LIN9: variants seen among roughly 807,000 people sequenced by gnomAD.
The protein encoded by LIN9 is protein lin-9 homolog.
A neutral mutation model predicts 78.0 loss-of-function variants in LIN9; 18 were observed. The observed-to-expected ratio is 0.23, with a 90% confidence interval of 0.16 to 0.34. LIN9 has a LOEUF of 0.34. LIN9 is among the 10% of genes least tolerant of loss of function. The pLI is 1.00. For synonymous variants in LIN9, 192 were observed against 215.2 expected, an observed-to-expected ratio of 0.89 and a Z score of 0.94; for missense variants, 451 against 644.1, an observed-to-expected ratio of 0.70 and a Z score of 3.25.
chr1:226,308,714 G>C (rs1312600171), intron 1 of LIN9: 1 of 155,390 alleles, frequency 6.4e-6, no homozygotes, highest in South Asian at 2.1e-4. Context: ...GGACAGGCGA[G>C]TTACATAACC....
At chr1:226,306,606 T>C (rs1476833514) in intron 1 of LIN9, among the ~76,000 whole-genome samples, 2 of 152,174 alleles carry the variant, frequency 1.3e-5, no homozygotes, top group Non-Finnish European at 2.9e-5. Context: ...TTACATCAAC[T>C]GAAATGAAGA....
chr1:226,239,172 T>C, intron 11 of LIN9, 76 bp from the exon 12 acceptor site: 1 of 1,483,666 alleles, frequency 6.7e-7, no homozygotes, highest in Admixed American at 2.0e-5. Flanking sequence ...TAAAAGGAGA[T>C]TTGACTTATC....
intron 4 of LIN9, among the ~76,000 whole-genome samples, chr1:226,295,291 A>G (rs1178827406): frequency 6.6e-6 from 1 of 151,898 alleles, no homozygotes; most frequent in African/African-American, 2.4e-5. Context: ...CTCTACTAAA[A>G]TATAAAAATC....
At chr1:226,278,343 C>A (rs551007167) in intron 6 of LIN9, among the ~76,000 whole-genome samples, 1 of 150,170 alleles carries the variant, frequency 6.7e-6, no homozygotes, top group Admixed American at 6.6e-5. Flanking sequence ...GCAGGAGAAT[C>A]GCTTGAATCT....
intron 10 of LIN9, among the ~76,000 whole-genome samples, chr1:226,261,767 T>C (rs1291714587): frequency 2.0e-5 from 3 of 152,180 alleles, no homozygotes; most frequent in Non-Finnish European, 4.4e-5. Flanking sequence ...ATTGACAAAA[T>C]GATTCTAAAG....
chr1:226,289,800 C>G (rs1403255854), intron 4 of LIN9, among the ~76,000 whole-genome samples: 1 of 123,764 alleles, frequency 8.1e-6, no homozygotes, highest in Non-Finnish European at 1.6e-5. Context: ...ATGGATTACC[C>G]AATAAATGTT....
intron 3 of LIN9, among the ~76,000 whole-genome samples, chr1:226,297,306 G>A (rs1355633621): frequency 6.6e-6 from 1 of 152,124 alleles, no homozygotes; most frequent in Non-Finnish European, 1.5e-5. Flanking sequence ...TCAATTATAT[G>A]CTCATCTCTA....
rs1222832760 is a variant in LIN9 at position 226,278,497 on chromosome 1, T to C, written c.525-565A>G. ...CATCTCACCACTCCTTTTTTTCTTC[T>C]CATTAAGTATACTGTATTCAAAAAT... On this transcript the variant is annotated intron_variant, in intron 6 of 14. Coordinates refer to ENST00000681046, the MANE Select transcript of LIN9 (RefSeq NM_001366245.2). 5.9e-5 allele frequency among the ~76,000 whole-genome samples: 9 copies of C among 151,886 alleles called. No individual in the cohort carries two copies. The South Asian group carries it at 1.7e-3, about 28-fold the overall frequency.
At chr1:226,306,849 T>C (rs1406339483) in intron 1 of LIN9, among the ~76,000 whole-genome samples, 1 of 152,210 alleles carries the variant, frequency 6.6e-6, no homozygotes, top group Non-Finnish European at 1.5e-5. Context: ...CCTGTTACTT[T>C]GCACTAATTC....
intron 10 of LIN9, among the ~76,000 whole-genome samples, chr1:226,260,705 C>T (rs1169482970): frequency 7.8e-6 from 1 of 128,704 alleles, no homozygotes; most frequent in East Asian, 2.5e-4. Flanking sequence ...AGTGCAGTGG[C>T]ACGAACTCGG....
intron 1 of LIN9, among the ~76,000 whole-genome samples, chr1:226,302,282 G>A (rs1455213279): frequency 1.3e-5 from 2 of 152,060 alleles, no homozygotes; most frequent in African/African-American, 4.8e-5. Context: ...GGTGGCTCAC[G>A]CCTGTAATCC....
chr1:226,232,922 CA>C (rs1657441479), intron 14 of LIN9, 173 bp downstream of exon 14: 1 of 506,288 alleles, frequency 2.0e-6, no homozygotes, highest in Non-Finnish European at 3.4e-6. Context: ...ATACAAAATC[CA>C]TGTGAAATTT....
chr1:226,299,840 A>G (rs1306511690), intron 2 of LIN9, among the ~76,000 whole-genome samples: 1 of 152,198 alleles, frequency 6.6e-6, no homozygotes, highest in Non-Finnish European at 1.5e-5. Flanking sequence ...AGACCAAGGA[A>G]CATGTCAAAC....
At chr1:226,260,911 C>T (rs1004574323) in intron 10 of LIN9, among the ~76,000 whole-genome samples, 71 of 152,028 alleles carry the variant, frequency 4.7e-4, no homozygotes, top group African/African-American at 1.7e-3. Context: ...TCCCAAAGTG[C>T]TGGGATTACA....
chr1:226,251,525 A>G (rs560607210), intron 10 of LIN9, among the ~76,000 whole-genome samples: 405 of 151,698 alleles, frequency 2.7e-3, no homozygotes, highest in Middle Eastern at 0.01. Context: ...AGGGCACCCA[A>G]CCATTTTTGT....
At chr1:226,263,902 T>C (rs1235315858) in intron 10 of LIN9, among the ~76,000 whole-genome samples, 2 of 152,008 alleles carry the variant, frequency 1.3e-5, no homozygotes, top group African/African-American at 4.8e-5. Context: ...TGAGACTCCA[T>C]CTCTACAAAA....
At chr1:226,254,181 T>C (rs780621444) in intron 10 of LIN9, among the ~76,000 whole-genome samples, 1 of 152,180 alleles carries the variant, frequency 6.6e-6, no homozygotes, top group Non-Finnish European at 1.5e-5. Flanking sequence ...CTTGTCTATG[T>C]TGCCCAGGCT....
intron 4 of LIN9, among the ~76,000 whole-genome samples, chr1:226,290,598 CCAAAGTG>C (rs1558199099): frequency 6.6e-6 from 1 of 152,046 alleles, no homozygotes; most frequent in Non-Finnish European, 1.5e-5. Context: ...CCTCGGCCTC[CCAAAGTG>C]CTGGGATTAC....
chr1:226,235,247 C>T (rs577883101), intron 12 of LIN9, among the ~76,000 whole-genome samples: 6 of 141,614 alleles, frequency 4.2e-5, no homozygotes, highest in East Asian at 2.1e-4. Context: ...GCTTGAACCC[C>T]GGAGGCAGAG....
Sources: allele counts gnomAD v4.1 joint callset (sites outside exome capture counted in the v4.1 genomes callset), GRCh38; gene constraint gnomAD v4.1.1; transcripts MANE v1.5; gene names NCBI Gene and HGNC (gene_info 2026-07-23, HGNC 2026-07-21).